The following MIR2052HG variants were observed in gnomAD, a reference collection of about 807,000 sequenced individuals.
The protein encoded by MIR2052HG is MIR2052 host gene.
At chr8:74,611,415 T>A (rs1016775462) in intron 1 of MIR2052HG, among the ~76,000 whole-genome samples, 3 of 152,140 alleles carry the variant, frequency 2.0e-5, no homozygotes, top group Admixed American at 6.5e-5. Context: ...TGGCGATTTT[T>A]AAAAAAATTA....
intron 2 of MIR2052HG, among the ~76,000 whole-genome samples, chr8:74,640,303 T>TAA (rs967624937): frequency 6.8e-6 from 1 of 146,418 alleles, no homozygotes; most frequent in Non-Finnish European, 1.5e-5. Context: ...CCGTCTCTAC[T>TAA]AAAAAAAAAA....
intron 2 of MIR2052HG, among the ~76,000 whole-genome samples, chr8:74,631,243 G>T (rs1252200770): frequency 1.3e-5 from 2 of 152,092 alleles, no homozygotes; most frequent in East Asian, 1.9e-4. Flanking sequence ...CTCCTCATTT[G>T]GTTATCTGTG....
chr8:74,730,873 T>C (rs1375579038), intron 4 of MIR2052HG, among the ~76,000 whole-genome samples: 2 of 152,188 alleles, frequency 1.3e-5, no homozygotes, highest in South Asian at 2.1e-4. Flanking sequence ...TGAGAATATA[T>C]ACAGGATCTT....
At chr8:74,634,162 G>A (rs533165754) in intron 2 of MIR2052HG, among the ~76,000 whole-genome samples, 2 of 152,216 alleles carry the variant, frequency 1.3e-5, no homozygotes, top group African/African-American at 4.8e-5. Flanking sequence ...ATGTAGGGAG[G>A]GCATGCTATT....
At chr8:74,713,111 G>A (rs2128741900) in intron 4 of MIR2052HG, among the ~76,000 whole-genome samples, 1 of 152,272 alleles carries the variant, frequency 6.6e-6, no homozygotes, top group South Asian at 2.1e-4. Context: ...ATACTAAAGA[G>A]CTCACATGAA....
At chr8:74,636,680 T>G (rs1808585078) in intron 2 of MIR2052HG, among the ~76,000 whole-genome samples, 1 of 152,152 alleles carries the variant, frequency 6.6e-6, no homozygotes, top group Non-Finnish European at 1.5e-5. Flanking sequence ...CTACCTATCG[T>G]ATACCCTGAG....
intron 2 of MIR2052HG, among the ~76,000 whole-genome samples, chr8:74,675,116 C>A (rs545270152): frequency 6.6e-5 from 10 of 152,006 alleles, no homozygotes; most frequent in African/African-American, 2.2e-4. Context: ...TGTGGGGATG[C>A]AGTGGTGAAT....
chr8:74,606,886 C>G (rs1000684473), intron 1 of MIR2052HG, among the ~76,000 whole-genome samples: 5 of 151,732 alleles, frequency 3.3e-5, no homozygotes, highest in Non-Finnish European at 4.4e-5. Flanking sequence ...AAAAACATAG[C>G]TAGTATGTAA....
intron 4 of MIR2052HG, among the ~76,000 whole-genome samples, chr8:74,739,413 T>C (rs1251205667): frequency 6.6e-6 from 1 of 152,200 alleles, no homozygotes; most frequent in East Asian, 1.9e-4. Flanking sequence ...ATGCACTCTA[T>C]TGACAGCTTC....
chr8:74,718,314 C>A (rs577829134), intron 4 of MIR2052HG, among the ~76,000 whole-genome samples: 8 of 151,992 alleles, frequency 5.3e-5, no homozygotes, highest in Non-Finnish European at 1.0e-4. Flanking sequence ...ATGACAGGGG[C>A]CTTTTCTTTT....
intron 4 of MIR2052HG, among the ~76,000 whole-genome samples, chr8:74,734,640 T>C (rs888258384): frequency 2.0e-4 from 30 of 152,150 alleles, no homozygotes; most frequent in African/African-American, 6.5e-4. Context: ...TGGGAACATA[T>C]AAAGTTGCAA....
At chr8:74,715,372 G>C (rs1328892047) in intron 4 of MIR2052HG, among the ~76,000 whole-genome samples, 1 of 152,180 alleles carries the variant, frequency 6.6e-6, no homozygotes, top group Non-Finnish European at 1.5e-5. Context: ...TGGATATACA[G>C]GCATAGAACA....
chr8:74,607,976 A>G (rs1208997980), intron 1 of MIR2052HG, among the ~76,000 whole-genome samples: 1 of 152,184 alleles, frequency 6.6e-6, no homozygotes, highest in Non-Finnish European at 1.5e-5. Context: ...TCTATTGGGC[A>G]GTTGAATTGG....
intron 2 of MIR2052HG, among the ~76,000 whole-genome samples, chr8:74,613,516 G>A (rs571475527): frequency 2.0e-5 from 3 of 152,112 alleles, no homozygotes; most frequent in East Asian, 1.9e-4. Flanking sequence ...ACAGAGTCTC[G>A]CTGTGTCACC....
At chr8:74,682,563 G>A (rs2651670) in intron 2 of MIR2052HG, among the ~76,000 whole-genome samples, 34,198 of 151,860 alleles carry the variant, frequency 0.23, 3,956 homozygotes, top group Middle Eastern at 0.33. Context: ...AAAGATGCTG[G>A]ATCTTATTAT....
At chr8:74,725,965 G>A (rs760217071) in intron 4 of MIR2052HG, among the ~76,000 whole-genome samples, 32 of 152,054 alleles carry the variant, frequency 2.1e-4, no homozygotes, top group East Asian at 5.8e-4. Flanking sequence ...AGGCTGAGGC[G>A]GGCAGATCAT....
chr8:74,735,494 T>C (rs182999994), intron 4 of MIR2052HG, among the ~76,000 whole-genome samples: 1 of 152,152 alleles, frequency 6.6e-6, no homozygotes, highest in Non-Finnish European at 1.5e-5. Flanking sequence ...TAGAAGGACA[T>C]GTGCTCCCCG....
intron 2 of MIR2052HG, chr8:74,615,064 C>T (rs1305445547): frequency 6.6e-6 from 1 of 152,190 alleles, no homozygotes; most frequent in African/African-American, 2.4e-5. Flanking sequence ...CTCTCCCATG[C>T]TTCCTCCTTA....
At position 74,718,887 on chromosome 8, in the gene MIR2052HG, C is replaced by A. The variant is rs184069798; in HGVS notation, n.371+15205C>A. ...TTCTCAAAGGCCCCATCTCCTAATA[C>A]CATCACTCTGGGGGTCTGAATTTTA... On this transcript the variant is annotated intron_variant and non_coding_transcript_variant, in intron 4 of 6. Transcript: ENST00000523442. Among the ~76,000 whole-genome samples, 5 of 152,254 alleles carry A rather than the reference C, an allele frequency of 3.3e-5. No homozygotes were observed. In the East Asian group the frequency reaches 9.7e-4, roughly 29 times the overall value.
Sources: gnomAD v4.1 joint callset for allele counts (sites outside exome capture counted in the v4.1 genomes callset) on GRCh38, gnomAD v4.1.1 for gene constraint, MANE v1.5 for transcripts, NCBI Gene and HGNC (gene_info 2026-07-23, HGNC 2026-07-21) for gene names.